Variants in DTWD2 observed in about 807,000 individuals in gnomAD.
DTWD2 encodes the protein tRNA-uridine aminocarboxypropyltransferase 2.
In DTWD2, 39 loss-of-function variants were observed where a neutral mutation model predicts 31.8. That is an observed-to-expected ratio of 1.22 (90% CI 0.95 to 1.60). The LOEUF is 1.60. Ranked by LOEUF, DTWD2 falls within the 40% of genes most tolerant of loss-of-function variation. DTWD2 has a pLI of 0.00. For missense variants in DTWD2, 515 were observed against 381.5 expected (o/e 1.35, Z -2.92); for synonymous variants, 180 against 142.8 (o/e 1.26, Z -1.86).
chr5:118,851,720 T>G (rs1051002244), intron 4 of DTWD2, among the ~76,000 whole-genome samples: 7 of 149,090 alleles, frequency 4.7e-5, no homozygotes, highest in Non-Finnish European at 8.9e-5. Context: ...GGATAGCATT[T>G]GGAGATACAC....
intron 4 of DTWD2, among the ~76,000 whole-genome samples, chr5:118,885,918 T>C (rs1752853552): frequency 6.6e-6 from 1 of 152,110 alleles, no homozygotes; most frequent in Non-Finnish European, 1.5e-5. Context: ...TAAGCTGTGA[T>C]CACACCACTA....
intron 4 of DTWD2, among the ~76,000 whole-genome samples, chr5:118,863,551 G>A (rs1752314841): frequency 6.6e-6 from 1 of 152,152 alleles, no homozygotes. Context: ...TAATTTCTGT[G>A]GGTGAGTAAT....
intron 1 of DTWD2, among the ~76,000 whole-genome samples, chr5:118,975,216 T>C (rs1324565254): frequency 6.6e-6 from 1 of 152,228 alleles, no homozygotes; most frequent in Non-Finnish European, 1.5e-5. Flanking sequence ...GGAGGCTTTG[T>C]TCGTTCCTTT....
intron 4 of DTWD2, among the ~76,000 whole-genome samples, chr5:118,919,030 T>C (rs1753643325): frequency 6.6e-6 from 1 of 152,214 alleles, no homozygotes; most frequent in African/African-American, 2.4e-5. Flanking sequence ...AGGTCATTTG[T>C]CTGATGCCTA....
chr5:118,986,005 T>G (rs2149606252), intron 1 of DTWD2, among the ~76,000 whole-genome samples: 1 of 152,288 alleles, frequency 6.6e-6, no homozygotes, highest in East Asian at 1.9e-4. Context: ...TCTTTGTATT[T>G]CATAGCCTAT....
chr5:118,956,082 T>C (rs1754578209), intron 1 of DTWD2, among the ~76,000 whole-genome samples: 1 of 152,158 alleles, frequency 6.6e-6, no homozygotes, highest in African/African-American at 2.4e-5. Flanking sequence ...ATTTTCAATT[T>C]CCTTCCGAAC....
intron 4 of DTWD2, among the ~76,000 whole-genome samples, chr5:118,909,266 G>C (rs941044747): frequency 6.6e-6 from 1 of 152,148 alleles, no homozygotes; most frequent in Non-Finnish European, 1.5e-5. Flanking sequence ...TTTCAACATG[G>C]AGAAACTCAA....
chr5:118,846,973 C>A (rs1026836612), intron 5 of DTWD2, among the ~76,000 whole-genome samples: 5 of 147,002 alleles, frequency 3.4e-5, no homozygotes, highest in African/African-American at 7.6e-5. Context: ...CACATACACA[C>A]GAAAATCCTA....
At chr5:118,975,009 T>G (rs970580733) in intron 1 of DTWD2, among the ~76,000 whole-genome samples, 9 of 152,204 alleles carry the variant, frequency 5.9e-5, no homozygotes, top group African/African-American at 2.2e-4. Context: ...GTCTTGGGGT[T>G]GCTCTTCTCA....
At chr5:118,939,971 A>C (rs1754143925) in intron 2 of DTWD2, among the ~76,000 whole-genome samples, 2 of 152,224 alleles carry the variant, frequency 1.3e-5, no homozygotes, top group Admixed American at 6.5e-5. Flanking sequence ...TTACAAAAGA[A>C]TTCCAAATAA....
Position 118,848,108 on chromosome 5 carries a change from T to G in DTWD2, c.708A>C (p.Lys236Asn). Residue 236 changes from lysine to asparagine, a missense_variant, in exon 5 of 6, where the codon AAA becomes AAC. Lys to Asn is a moderately conservative substitution (Grantham distance 94). Transcript: ENST00000510708. ...CAAVALSILE[K>N]NNYIQETLLR... is the part of the protein sequence containing the mutation. The stretch of plus-strand genomic sequence containing the variant: ...GACGTACCTCTTGTATGTAATTATT[T>G]TTCTCCAAGATGGAAAGAGCAACAG... The G allele has an allele frequency of 6.4e-7, 1 of 1,573,676 alleles. No individual in the cohort carries two copies. The highest frequency in any genetic ancestry group is 8.6e-7 in the Non-Finnish European group (1 of 1,164,602).
At chr5:118,958,371 T>C (rs1020848959) in intron 1 of DTWD2, among the ~76,000 whole-genome samples, 3 of 151,896 alleles carry the variant, frequency 2.0e-5, no homozygotes, top group African/African-American at 4.8e-5. Context: ...GGCAGGAGAA[T>C]GGCGTGAATC....
chr5:118,969,195 G>A (rs560944916), intron 1 of DTWD2, among the ~76,000 whole-genome samples: 157 of 152,184 alleles, frequency 1.0e-3, no homozygotes, highest in African/African-American at 3.7e-3. Context: ...AGAGGGGAGG[G>A]GCGGGGGGGA....
chr5:118,852,183 A>C (rs1752024527), intron 4 of DTWD2, among the ~76,000 whole-genome samples: 1 of 152,126 alleles, frequency 6.6e-6, no homozygotes, highest in South Asian at 2.1e-4. Flanking sequence ...AAGCAGTCAG[A>C]CCTTATGGTT....
intron 5 of DTWD2, among the ~76,000 whole-genome samples, chr5:118,844,351 T>C (rs900620969): frequency 9.9e-5 from 15 of 152,090 alleles, no homozygotes; most frequent in Non-Finnish European, 1.8e-4. Flanking sequence ...GGTTCTGTAA[T>C]AAAAAAGAAC....
At chr5:118,944,415 C>T (rs1021281349) in intron 2 of DTWD2, 144 bp downstream of exon 2, 2 of 768,350 alleles carry the variant, frequency 2.6e-6, no homozygotes, top group African/African-American at 1.8e-5. Flanking sequence ...TAAAAAGAAA[C>T]TATTTTTTCC....
At chr5:118,985,511 T>TAC (rs1270574924) in intron 1 of DTWD2, among the ~76,000 whole-genome samples, 2 of 126,740 alleles carry the variant, frequency 1.6e-5, no homozygotes, top group Admixed American at 1.6e-4. Context: ...TATATATATA[T>TAC]ATATATACAC....
At chr5:118,917,477 TA>T (rs1329205811) in intron 4 of DTWD2, among the ~76,000 whole-genome samples, 2 of 152,206 alleles carry the variant, frequency 1.3e-5, no homozygotes, top group African/African-American at 4.8e-5. Context: ...GAGACAATAT[TA>T]GTCTGTTCTC....
intron 5 of DTWD2, among the ~76,000 whole-genome samples, chr5:118,844,812 G>T (rs894378284): frequency 6.6e-6 from 1 of 152,140 alleles, no homozygotes; most frequent in African/African-American, 2.4e-5. Flanking sequence ...GAGGAACCCT[G>T]CCTCTATAGA....
Sources: gnomAD v4.1 joint callset for allele counts (sites outside exome capture counted in the v4.1 genomes callset) on GRCh38, gnomAD v4.1.1 for gene constraint, MANE v1.5 for transcripts, NCBI Gene and HGNC (gene_info 2026-07-23, HGNC 2026-07-21) for gene names.